The following OTUD7B variants were observed in gnomAD, a reference collection of about 807,000 sequenced individuals.
The protein encoded by OTUD7B is OTU domain-containing protein 7B.
OTUD7B carries 34 observed loss-of-function variants against 82.2 expected under a neutral mutation model. The observed-to-expected ratio is 0.41, with a 90% CI of 0.31 to 0.55. OTUD7B has a LOEUF of 0.55. Ranked by LOEUF, OTUD7B falls within the 20% of genes least tolerant of loss-of-function variation. OTUD7B has a pLI of 0.20. For missense variants in OTUD7B, 944 were observed against 1,062.1 expected, an observed-to-expected ratio of 0.89 and a Z score of 1.55; for synonymous variants, 398 against 402.7, an observed-to-expected ratio of 0.99 and a Z score of 0.14.
chr1:149,988,306 C>T (rs1181508710), intron 1 of OTUD7B, among the ~76,000 whole-genome samples: 1 of 152,076 alleles, frequency 6.6e-6, no homozygotes, highest in Non-Finnish European at 1.5e-5. Flanking sequence ...GGAACTAGTC[C>T]CTGGTGGCTT....
At chr1:149,965,975 G>A in intron 4 of OTUD7B, 97 bp from the exon 5 acceptor site, 2 of 844,286 alleles carry the variant, frequency 2.4e-6, no homozygotes, top group South Asian at 3.1e-5. Context: ...TCCTCTAGGA[G>A]GCCTACCCAG....
At chr1:150,003,635 C>G (rs868923387) in intron 1 of OTUD7B, among the ~76,000 whole-genome samples, 1 of 152,212 alleles carries the variant, frequency 6.6e-6, no homozygotes. Context: ...TAGACCCATA[C>G]GCTCCTCGTG....
chr1:150,037,998 A>T, the OTUD7B span, among the ~76,000 whole-genome samples: 1 of 151,860 alleles, frequency 6.6e-6, no homozygotes, highest in Non-Finnish European at 1.5e-5. Flanking sequence ...AGTAGTTGGG[A>T]CTACAGGCAT....
rs1650413891 is a variant in OTUD7B at position 149,977,574 on chromosome 1, C to T, written c.-64G>A. The stretch of plus-strand genomic sequence containing the variant: ...GAACATAGATCAAAATTCAGGCCTC[C>T]ACCTGAGGAATAAATAAATACATAA... On this transcript the variant is annotated splice_region_variant and 5_prime_UTR_variant, in exon 2 of 12. Coordinates refer to ENST00000581312, the MANE Select transcript of OTUD7B (RefSeq NM_020205.4). 1 of 1,127,862 alleles carries T rather than the reference C, an allele frequency of 8.9e-7. No individual in the cohort carries two copies. Among genetic ancestry groups the T allele is most frequent in the Non-Finnish European group, 1.4e-6 (1 of 737,008 alleles). The allele number at this position is 1,127,862 out of a possible 1,614,324, so 69.9% of individuals were successfully genotyped here.
the OTUD7B span, among the ~76,000 whole-genome samples, chr1:150,036,065 C>G: frequency 6.0e-5 from 9 of 151,132 alleles, no homozygotes; most frequent in South Asian, 1.9e-3. Context: ...CGATCTTCCC[C>G]CCTCAGCCTT....
chr1:150,057,240 T>C, the OTUD7B span, among the ~76,000 whole-genome samples: 56 of 152,336 alleles, frequency 3.7e-4, no homozygotes, highest in Non-Finnish European at 7.2e-4. Flanking sequence ...ATTTAGTTAA[T>C]AGTATTTTAC....
intron 1 of OTUD7B, among the ~76,000 whole-genome samples, chr1:150,007,460 A>G (rs1652741616): frequency 6.6e-6 from 1 of 152,180 alleles, no homozygotes; most frequent in African/African-American, 2.4e-5. Context: ...CATACTTATC[A>G]GCACGTTAAA....
the OTUD7B span, among the ~76,000 whole-genome samples, chr1:150,017,649 GC>G: frequency 6.6e-6 from 1 of 152,196 alleles, no homozygotes; most frequent in Non-Finnish European, 1.5e-5. Context: ...AAGTCACTCT[GC>G]CCCTGACTAG....
intron 2 of OTUD7B, among the ~76,000 whole-genome samples, chr1:149,974,855 CTT>C (rs1650198219): frequency 3.2e-5 from 1 of 31,444 alleles, no homozygotes; most frequent in Non-Finnish European, 5.3e-5. Flanking sequence ...CAGCCTCTTT[CTT>C]TTTCTTTCTT....
At chr1:149,952,092 C>T (rs1648302613) in intron 7 of OTUD7B, among the ~76,000 whole-genome samples, 1 of 152,008 alleles carries the variant, frequency 6.6e-6, no homozygotes, top group Non-Finnish European at 1.5e-5. Context: ...GGTACATGTG[C>T]ACAATGTGCA....
chr1:150,022,642 C>T, the OTUD7B span, among the ~76,000 whole-genome samples: 1 of 152,068 alleles, frequency 6.6e-6, no homozygotes, highest in Non-Finnish European at 1.5e-5. Context: ...CAAGAGACAC[C>T]ACAGGCCATC....
At chr1:149,962,408 GTAA>G (rs1553775795) in intron 6 of OTUD7B, 2 of 152,264 alleles carry the variant, frequency 1.3e-5, no homozygotes, top group East Asian at 3.9e-4. Flanking sequence ...CCCAAGGTGG[GTAA>G]TAATGCTATG....
intron 1 of OTUD7B, among the ~76,000 whole-genome samples, chr1:149,987,985 C>T (rs587649547): frequency 6.6e-6 from 1 of 152,286 alleles, no homozygotes; most frequent in South Asian, 2.1e-4. Context: ...AATCCTACCT[C>T]CCCCACCTGT....
intron 1 of OTUD7B, among the ~76,000 whole-genome samples, chr1:149,987,513 T>C (rs183293026): frequency 1.2e-3 from 183 of 152,364 alleles, no homozygotes; most frequent in East Asian, 9.6e-4. Context: ...CCTGTTAGGA[T>C]TAAATAACAT....
At chr1:149,968,604 T>C (rs781980300) in intron 3 of OTUD7B, among the ~76,000 whole-genome samples, 7 of 152,214 alleles carry the variant, frequency 4.6e-5, no homozygotes, top group South Asian at 2.1e-4. Context: ...TTCAAAAGCA[T>C]GTTGGGCTGT....
At chr1:150,007,597 T>G (rs1247636669) in intron 1 of OTUD7B, among the ~76,000 whole-genome samples, 2 of 152,204 alleles carry the variant, frequency 1.3e-5, no homozygotes, top group African/African-American at 4.8e-5. Flanking sequence ...TTTACATCTT[T>G]TATACCTCCC....
chr1:149,981,074 A>AGGGAGGAGGAGGAGGAGGAAGAGGAGG (rs1650694318), intron 1 of OTUD7B, among the ~76,000 whole-genome samples: 1 of 138,584 alleles, frequency 7.2e-6, no homozygotes, highest in Non-Finnish European at 1.5e-5. Flanking sequence ...GCTCTGTCTC[A>AGGGAGGAGGAGGAGGAGGAAGAGGAGG]GGGAGGAGGA....
At chr1:149,948,499 G>C (rs1553772618) in intron 10 of OTUD7B, among the ~76,000 whole-genome samples, 1 of 150,720 alleles carries the variant, frequency 6.6e-6, no homozygotes, top group Non-Finnish European at 1.5e-5. Context: ...AGCCTCCCTA[G>C]TAGTTGGGAT....
chr1:149,964,248 A>C lies in OTUD7B; in HGVS notation c.706T>G (p.Trp236Gly), dbSNP rs1553776035. 6.2e-7 allele frequency: 1 copy of C among 1,613,462 alleles called. No homozygotes were observed. The change falls in exon 6 of 12, where the codon TGG becomes GGG. Residue 236 changes from tryptophan to glycine, a missense_variant. Trp to Gly is a radical substitution (Grantham distance 184). This residue lies in a region of OTUD7B where 530 missense variants were observed against 625.6 expected (regional missense o/e 0.85). Transcript: ENST00000581312. ...EKEALKRRWR[W>G]QQTQQNKESG... ...TCTTTATTCTGCTGTGTCTGCTGCC[A>C]CCTCCAGCGCCTTTTCAACGCTTCC...
Sources: gnomAD v4.1 joint callset for allele counts (sites outside exome capture counted in the v4.1 genomes callset) on GRCh38, gnomAD v4.1.1 for gene constraint, gnomAD v4.1.1 regional missense constraint, MANE v1.5 for transcripts, NCBI Gene and HGNC (gene_info 2026-07-23, HGNC 2026-07-21) for gene names.